Variants in METRNL observed in about 807,000 individuals in gnomAD.
METRNL encodes the protein meteorin like, glial cell differentiation regulator.
Under a neutral mutation model 17.4 loss-of-function variants are expected in METRNL, and 9 were observed. The ratio of observed to expected loss-of-function variants is 0.52; its 90% CI spans 0.31 to 0.90. METRNL has a LOEUF of 0.90. Among genes scored for constraint, METRNL ranks in the 40% least tolerant of loss-of-function variants. The pLI is 0.05. For missense variants in METRNL, 408 were observed against 430.7 expected (o/e 0.95, Z 0.47); for synonymous variants, 215 against 199.3 (o/e 1.08, Z -0.66).
chr17:83,079,799 G>T lies in METRNL; in HGVS notation c.-17G>T. 1 of 975,372 alleles carries T rather than the reference G, an allele frequency of 1.0e-6. No individual in the cohort carries two copies. Among genetic ancestry groups the T allele is most frequent in the Non-Finnish European group, 1.2e-6 (1 of 824,692 alleles). The allele number at this position is 975,372 out of a possible 1,614,324, so 60.4% of individuals were successfully genotyped here. A position where few individuals can be genotyped will look rare whatever the true frequency, so the allele number is the denominator to read the frequency against. On this transcript the variant is annotated 5_prime_UTR_variant, in exon 1 of 4. Transcript: ENST00000320095. ...GGTCGCGGACGCGGGGCCGGGCGGC[G>T]GAGCCGGCGCCAGAGCATGCGGGGC...
In METRNL at chr17:83,094,808, A is replaced by G. The variant is rs1222794215; in HGVS notation, c.*233A>G. 7.8e-6 allele frequency: 3 copies of G among 384,592 alleles called. No individual in the cohort carries two copies. Among genetic ancestry groups the G allele is most frequent in the African/African-American group, 6.2e-5 (3 of 48,008 alleles). 23.8% of individuals were successfully genotyped at this position (384,592 alleles called of 1,614,324 possible). On this transcript the variant is annotated 3_prime_UTR_variant, in exon 4 of 4. Coordinates refer to ENST00000320095, the MANE Select transcript of METRNL (RefSeq NM_001004431.3). ...TGTAAAATGCAAACTAAGTTATTATATTTTTTTTTGGTAAAAAAGAAATGT... is the reference window on the plus strand; with the variant it reads ...TGTAAAATGCAAACTAAGTTATTATGTTTTTTTTTGGTAAAAAAGAAATGT...
chr17:83,088,760 C>T (rs932946300), intron 2 of METRNL, among the ~76,000 whole-genome samples: 1 of 143,316 alleles, frequency 7.0e-6, no homozygotes, highest in Non-Finnish European at 1.5e-5. Flanking sequence ...ATGACCAGCT[C>T]GGCGGGCGCA....
At chr17:83,083,217 A>C (rs1238897971) in intron 1 of METRNL, among the ~76,000 whole-genome samples, 1 of 152,124 alleles carries the variant, frequency 6.6e-6, no homozygotes, top group African/African-American at 2.4e-5. Context: ...TCCCCAGCTG[A>C]GTTGTGGCTG....
chr17:83,085,907 G>A (rs572197353), intron 2 of METRNL, among the ~76,000 whole-genome samples: 1 of 152,348 alleles, frequency 6.6e-6, no homozygotes, highest in African/African-American at 2.4e-5. Flanking sequence ...AGCCCTGAGC[G>A]GTGCTGAGCT....
chr17:83,090,605 C>A (rs1202297697), intron 2 of METRNL, among the ~76,000 whole-genome samples: 2 of 148,804 alleles, frequency 1.3e-5, no homozygotes, highest in African/African-American at 2.5e-5. Flanking sequence ...TGGCCCAGCC[C>A]CAGCTGCCAT....
intron 1 of METRNL, among the ~76,000 whole-genome samples, chr17:83,081,545 G>C (rs2143609234): frequency 6.6e-6 from 1 of 152,186 alleles, no homozygotes; most frequent in East Asian, 1.9e-4. Flanking sequence ...CCTCCAGGCA[G>C]GTGACAGCAG....
At chr17:83,093,112 C>A in intron 2 of METRNL, 55 bp from the exon 3 acceptor site, 1 of 1,474,842 alleles carries the variant, frequency 6.8e-7, no homozygotes, top group Non-Finnish European at 9.4e-7. Flanking sequence ...TGGTGGGCGG[C>A]GTTCCAGAGC....
chr17:83,081,529 G>A (rs1443978788), intron 1 of METRNL, among the ~76,000 whole-genome samples: 1 of 152,170 alleles, frequency 6.6e-6, no homozygotes, highest in Non-Finnish European at 1.5e-5. Context: ...CCAGGGGCGG[G>A]CGGCTCCTCC....
chr17:83,093,196 G>A lies in METRNL; in HGVS notation c.586G>A (p.Val196Met). The change falls in exon 3 of 4, where the codon GTG (valine) becomes ATG (methionine). Residue 196 changes from valine (V) to methionine (M), a missense_variant. Transcript: ENST00000320095. ...APCRPCSDTE[V>M]LLAVCTSDFA... The stretch of plus-strand genomic sequence containing the variant: ...GTGCCGTCCCTGCAGTGACACCGAG[G>A]TGCTCCTAGCCGTCTGCACCAGCGA... The A allele has an allele frequency of 6.2e-7, 1 of 1,608,320 alleles. No individual in the cohort carries two copies. Among genetic ancestry groups the A allele is most frequent in the Non-Finnish European group, 8.5e-7 (1 of 1,179,922 alleles).
intron 3 of METRNL, 117 bp from the exon 4 acceptor site, chr17:83,094,139 G>GTC: frequency 1.2e-6 from 1 of 830,874 alleles, no homozygotes; most frequent in Non-Finnish European, 1.8e-6. Context: ...AGATGGCAGA[G>GTC]TCGGGGGTCA....
At chr17:83,084,585 A>C in intron 1 of METRNL, 1 of 284,050 alleles carries the variant, frequency 3.5e-6, no homozygotes. Context: ...GACATCGCAG[A>C]GATTGGTGTT....
chr17:83,082,001 C>T (rs548386139), intron 1 of METRNL: 354 of 816,700 alleles, frequency 4.3e-4, no homozygotes, highest in Middle Eastern at 6.3e-4. Context: ...CCCCCGATAG[C>T]TGGAAAGTTG....
rs374376163 is a variant in METRNL, at chr17:83,093,338, G to A, written c.616+112G>A. The stretch of plus-strand genomic sequence containing the variant: ...GCCCAGGACAGCCTTCCGGTGCTGC[G>A]TGGACCCTCCTGGAGGGGCACACGC... On this transcript the variant is annotated intron_variant, in intron 3 of 3. Coordinates refer to ENST00000320095, the MANE Select transcript of METRNL (RefSeq NM_001004431.3). 178 of 901,444 alleles carry A rather than the reference G, an allele frequency of 2.0e-4. 1 individual carries two copies. The highest frequency in any genetic ancestry group is 1.7e-3 in the African/African-American group (103 of 61,206). The allele number at this position is 901,444 out of a possible 1,614,324, so 55.8% of individuals were successfully genotyped here. A position where few individuals can be genotyped will look rare whatever the true frequency, so the allele number is the denominator to read the frequency against.
At chr17:83,089,709 A>C (rs950817179) in intron 2 of METRNL, among the ~76,000 whole-genome samples, 3 of 152,064 alleles carry the variant, frequency 2.0e-5, no homozygotes, top group South Asian at 4.2e-4. Context: ...AGCCTTTATG[A>C]GCCTGGCTCC....
chr17:83,094,197 T>C (rs2143660852), intron 3 of METRNL, 59 bp from the exon 4 acceptor site: 5 of 1,400,828 alleles, frequency 3.6e-6, no homozygotes, highest in Non-Finnish European at 4.8e-6. Flanking sequence ...GGAGGTGCGG[T>C]GGTCTTGCTG....
rs1023220420 is a variant in METRNL at position 83,082,245 on chromosome 17, A to G, written c.170+2260A>G. 3.0e-6 allele frequency: 3 copies of G among 985,324 alleles called. No homozygotes were observed. The African/African-American group carries it at 5.2e-5, about 17-fold the overall frequency. The allele number at this position is 985,324 out of a possible 1,614,324, so 61.0% of individuals were successfully genotyped here. On this transcript the variant is annotated intron_variant, in intron 1 of 3. Transcript: ENST00000320095. ...TCTCTCCTGCAAGGTGGGGAAAGGA[A>G]AGTTAACCTGCCAGTGGGTTCGAAG...
intron 2 of METRNL, among the ~76,000 whole-genome samples, chr17:83,092,891 C>T (rs774183524): frequency 4.9e-4 from 75 of 152,100 alleles, no homozygotes; most frequent in Non-Finnish European, 8.5e-4. Flanking sequence ...CCATCATGGC[C>T]GAGGTGCAGG....
chr17:83,086,175 G>T lies in METRNL; in HGVS notation c.556+852G>T, dbSNP rs1458696861. 2.0e-5 allele frequency among the ~76,000 whole-genome samples: 3 copies of T among 152,186 alleles called. No individual in the cohort carries two copies. The East Asian group carries it at 5.8e-4, about 29-fold the overall frequency. ...CATGGTCTGTGTGGCCTCGGACTCGGGTGTACAGACTTCTATCCTGAATGG... is the reference window on the plus strand; with the variant it reads ...CATGGTCTGTGTGGCCTCGGACTCGTGTGTACAGACTTCTATCCTGAATGG... On this transcript the variant is annotated intron_variant, in intron 2 of 3. Transcript: ENST00000320095.
At chr17:83,080,565 A>ACCCCCCCCC (rs1161469227) in intron 1 of METRNL, among the ~76,000 whole-genome samples, 1 of 21,992 alleles carries the variant, frequency 4.5e-5, no homozygotes, top group Admixed American at 8.8e-4. Flanking sequence ...GCGCTGGGCG[A>ACCCCCCCCC]CCCCCCCCCC....
Sources: gnomAD v4.1 joint callset for allele counts (sites outside exome capture counted in the v4.1 genomes callset) on GRCh38, gnomAD v4.1.1 for gene constraint, MANE v1.5 for transcripts, NCBI Gene and HGNC (gene_info 2026-07-23, HGNC 2026-07-21) for gene names.